Variants in PHGR1 observed in about 807,000 individuals in gnomAD.
PHGR1 encodes the protein proline, histidine and glycine-rich protein 1.
A neutral mutation model predicts 4.9 loss-of-function variants in PHGR1; 3 were observed. The ratio of observed to expected loss-of-function variants is 0.61; its 90% CI spans 0.28 to 1.58. The LOEUF (loss-of-function observed/expected upper bound fraction) is 1.58, where lower values mean the gene tolerates loss of function less well. Among genes scored for constraint, PHGR1 ranks in the 40% most tolerant of loss-of-function variants. The probability of loss-of-function intolerance (pLI) is 0.11; values close to 1 mark genes in which losing one functional copy is unlikely to be tolerated. For synonymous variants in PHGR1, 32 were observed against 46.1 expected, an observed-to-expected ratio of 0.69 and a Z score of 1.24; for missense variants, 81 against 118.7, an observed-to-expected ratio of 0.68 and a Z score of 1.48.
intron 2 of PHGR1, 66 bp downstream of exon 2, chr15:40,353,333 G>T: frequency 1.9e-6 from 3 of 1,546,988 alleles, no homozygotes; most frequent in Non-Finnish European, 2.6e-6. Flanking sequence ...GGTAAAGGCA[G>T]GGACTATCAG....
At chr15:40,352,723 C>T (rs1044360828) in intron 1 of PHGR1, among the ~76,000 whole-genome samples, 6 of 152,206 alleles carry the variant, frequency 3.9e-5, no homozygotes, top group African/African-American at 9.7e-5. Flanking sequence ...CCATCCTTCC[C>T]GTCCCTGCAC....
intron 1 of PHGR1, among the ~76,000 whole-genome samples, chr15:40,351,928 G>A (rs1408070248): frequency 6.6e-6 from 1 of 152,030 alleles, no homozygotes; most frequent in Non-Finnish European, 1.5e-5. Flanking sequence ...GTAGAGACGG[G>A]GTTTCACCAT....
Position 40,356,269 on chromosome 15 carries a change from GC to G in PHGR1, c.218del (p.Pro73GlnfsTer35), listed in dbSNP as rs1282432404. The G allele has an allele frequency of 1.3e-6, 2 of 1,549,262 alleles. No individual in the cohort carries two copies. Among genetic ancestry groups the G allele is most frequent in the Non-Finnish European group, 1.7e-6 (2 of 1,146,512 alleles). On this transcript the variant is annotated frameshift_variant, in exon 4 of 4. Transcript: ENST00000448599. LOFTEE classifies it high-confidence loss of function. ...PGPCGPPPGH[G>X]PGHPPPGPHH is the part of the protein sequence containing the mutation. ...CCCTGCGGGCCTCCCCCTGGCCATGGCCCAGGTCACCCACCCCCTGGTCCAC... is the reference window on the plus strand; with the variant it reads ...CCCTGCGGGCCTCCCCCTGGCCATGGCCAGGTCACCCACCCCCTGGTCCAC...
intron 1 of PHGR1, among the ~76,000 whole-genome samples, chr15:40,351,555 G>A (rs1324924569): frequency 6.6e-6 from 1 of 152,168 alleles, no homozygotes; most frequent in East Asian, 1.9e-4. Flanking sequence ...AGGACCATGG[G>A]TATAGTTCAC....
intron 1 of PHGR1, among the ~76,000 whole-genome samples, chr15:40,351,281 T>C (rs2141253784): frequency 6.6e-6 from 1 of 152,342 alleles, no homozygotes; most frequent in African/African-American, 2.4e-5. Flanking sequence ...AGTTATGATT[T>C]ATAGCCTTTG....
chr15:40,351,743 A>G (rs915802896), intron 1 of PHGR1, among the ~76,000 whole-genome samples: 2 of 148,196 alleles, frequency 1.3e-5, no homozygotes, highest in African/African-American at 2.5e-5. Flanking sequence ...CTACAAAACA[A>G]TTTTTTTTTT....
chr15:40,351,872 G>A (rs1889211418), intron 1 of PHGR1, among the ~76,000 whole-genome samples: 1 of 152,142 alleles, frequency 6.6e-6, no homozygotes, highest in South Asian at 2.1e-4. Flanking sequence ...AAGTAGCTGG[G>A]ACTACAGGTT....
chr15:40,353,007 G>A (rs527767667), intron 1 of PHGR1, among the ~76,000 whole-genome samples: 26 of 152,194 alleles, frequency 1.7e-4, no homozygotes, highest in Admixed American at 8.5e-4. Flanking sequence ...AGGTGAACCC[G>A]CTGTGTCCAT....
rs1200720832 is a variant in PHGR1, at chr15:40,354,438, G to A, written c.18+86G>A. 3.5e-6 allele frequency: 5 copies of A among 1,420,420 alleles called. No homozygotes were observed. In the African/African-American group the frequency reaches 4.3e-5, roughly 12 times the overall value. 88.0% of individuals were successfully genotyped at this position (1,420,420 alleles called of 1,614,324 possible). ...CTAGCCTCCTTCCTAGACCCTCAGG[G>A]AGCAGCCACCACTTCCCCCAAATGA... On this transcript the variant is annotated intron_variant, in intron 3 of 3. Coordinates refer to ENST00000448599, the MANE Select transcript of PHGR1 (RefSeq NM_001145643.2).
At chr15:40,354,493 C>T (rs1310181118) in intron 3 of PHGR1, 141 bp downstream of exon 3, 1 of 1,084,810 alleles carries the variant, frequency 9.2e-7, no homozygotes, top group Admixed American at 2.6e-5. Context: ...GGCAGCAGCC[C>T]CGTGGAGTGG....
intron 1 of PHGR1, 92 bp from the exon 2 acceptor site, chr15:40,353,140 T>A (rs958744063): frequency 1.1e-6 from 1 of 930,846 alleles, no homozygotes; most frequent in South Asian, 1.5e-5. Flanking sequence ...TGTGTGTGTG[T>A]GTGTGTGCGC....
intron 1 of PHGR1, among the ~76,000 whole-genome samples, chr15:40,351,963 C>T (rs1018618896): frequency 1.3e-5 from 2 of 152,172 alleles, no homozygotes; most frequent in Non-Finnish European, 2.9e-5. Context: ...TCTCGAACTC[C>T]TGACCTCAAA....
At chr15:40,354,318 T>C in intron 2 of PHGR1, 27 bp from the exon 3 acceptor site, 1 of 1,461,028 alleles carries the variant, frequency 6.8e-7, no homozygotes, top group Admixed American at 2.3e-5. Flanking sequence ...CAAAGCTGCT[T>C]CTTTTTTTTC....
chr15:40,354,814 G>A (rs1384858741), intron 3 of PHGR1, among the ~76,000 whole-genome samples: 1 of 152,148 alleles, frequency 6.6e-6, no homozygotes, highest in African/African-American at 2.4e-5. Flanking sequence ...GCTACCACCA[G>A]CAGACTCAGT....
intron 2 of PHGR1, 70 bp from the exon 3 acceptor site, chr15:40,354,275 G>A (rs1889253658): frequency 6.6e-7 from 1 of 1,503,834 alleles, no homozygotes; most frequent in Non-Finnish European, 8.9e-7. Context: ...CCAGGGAGAA[G>A]ACAGGTTTTT....
At position 40,354,343 on chromosome 15, in the gene PHGR1, A is replaced by G; in HGVS notation, c.11-2A>G. 1 of 1,536,366 alleles carries G rather than the reference A, an allele frequency of 6.5e-7. No homozygotes were observed. Among genetic ancestry groups the G allele is most frequent in the Non-Finnish European group, 8.7e-7 (1 of 1,146,320 alleles). ...TCTTTTTTTTCCCTTCCTCTCCCAC[A>G]GGTCCGAAGGTAGGAAAGTTCCCCC... On this transcript the variant is annotated splice_acceptor_variant, in intron 2 of 3. Transcript: ENST00000448599. LOFTEE classifies it high-confidence loss of function.
intron 2 of PHGR1, among the ~76,000 whole-genome samples, chr15:40,353,952 G>A (rs563685386): frequency 6.6e-6 from 1 of 152,330 alleles, no homozygotes; most frequent in South Asian, 2.1e-4. Context: ...CAGGGGCAGA[G>A]GACAGATGGG....
At chr15:40,353,092 C>T (rs1029489544) in intron 1 of PHGR1, 140 bp from the exon 2 acceptor site, 27 of 933,550 alleles carry the variant, frequency 2.9e-5, no homozygotes, top group Admixed American at 1.3e-4. Context: ...GCAGTTTTTT[C>T]CCTTTCTTCC....
chr15:40,356,409 C>A lies in PHGR1; in HGVS notation c.*106C>A, dbSNP rs62017981. ...TCTTCTCTTCCTAATAAACAGCCTC[C>A]TAGAGGCCACATTCTATTCTTTAAA... On this transcript the variant is annotated 3_prime_UTR_variant, in exon 4 of 4. Transcript: ENST00000448599. 8 of 1,507,940 alleles carry A rather than the reference C, an allele frequency of 5.3e-6. No individual in the cohort carries two copies. The highest frequency in any genetic ancestry group is 1.4e-5 in the African/African-American group (1 of 72,072). The allele number at this position is 1,507,940 out of a possible 1,614,324, so 93.4% of individuals were successfully genotyped here. A position where few individuals can be genotyped will look rare whatever the true frequency, so the allele number is the denominator to read the frequency against.
Sources: allele counts gnomAD v4.1 joint callset (sites outside exome capture counted in the v4.1 genomes callset), GRCh38; gene constraint gnomAD v4.1.1; transcripts MANE v1.5; gene names NCBI Gene and HGNC (gene_info 2026-07-23, HGNC 2026-07-21).